The following VPS13C variants were observed in gnomAD, a reference collection of about 807,000 sequenced individuals.
The protein encoded by VPS13C is intermembrane lipid transfer protein VPS13C.
Under a neutral mutation model 456.8 loss-of-function variants are expected in VPS13C, and 358 were observed. That is an observed-to-expected ratio of 0.78 (90% CI 0.72 to 0.86). VPS13C has a LOEUF of 0.86. Among genes scored for constraint, VPS13C ranks in the 40% least tolerant of loss-of-function variants. The probability of loss-of-function intolerance (pLI) is 0.00; values close to 1 mark genes in which losing one functional copy is unlikely to be tolerated. For synonymous variants in VPS13C, 1,578 were observed against 1,486.7 expected (o/e 1.06, Z -1.41); for missense variants, 4,818 against 4,385.4 (o/e 1.10, Z -2.79).
At chr15:61,915,370 A>G (rs2043436905) in intron 61 of VPS13C, among the ~76,000 whole-genome samples, 1 of 152,116 alleles carries the variant, frequency 6.6e-6, no homozygotes, top group Admixed American at 6.5e-5. Flanking sequence ...AAGCTATTCT[A>G]TCTACTATAC....
intron 66 of VPS13C, among the ~76,000 whole-genome samples, chr15:61,891,172 A>G (rs985221660): frequency 6.6e-6 from 1 of 152,236 alleles, no homozygotes; most frequent in African/African-American, 2.4e-5. Flanking sequence ...GTAGCACTTA[A>G]AAATATGAGG....
In VPS13C at chr15:62,008,694, T is replaced by A. The variant is rs1281213046; in HGVS notation, c.1079A>T (p.Tyr360Phe). 1 of 1,608,502 alleles carries A rather than the reference T, an allele frequency of 6.2e-7. No homozygotes were observed. Among genetic ancestry groups the A allele is most frequent in the Non-Finnish European group, 8.5e-7 (1 of 1,177,196 alleles). Residue 360 changes from tyrosine to phenylalanine, a missense_variant, in exon 14 of 85, where the codon TAC becomes TTC. Physicochemically the swap from Tyr to Phe is conservative, Grantham distance 22. Transcript: ENST00000644861. Reference sequence around the variant, plus strand: ...GGTATGAAGTGGTAAATAAGGCTTGTATTTCCTATAAGGCGCATTCCTAAC... The same window carrying A: ...GGTATGAAGTGGTAAATAAGGCTTGAATTTCCTATAAGGCGCATTCCTAAC... ...YMVRNAPYRK[Y>F]KPYLPLHTNG...
At position 61,890,324 on chromosome 15, in the gene VPS13C, ACT is replaced by A. The variant is rs1476973440; in HGVS notation, c.9180_9181del (p.Arg3060SerfsTer7). The A allele has an allele frequency of 1.2e-6, 2 of 1,613,922 alleles. No homozygotes were observed. Among genetic ancestry groups the A allele is most frequent in the Non-Finnish European group, 1.7e-6 (2 of 1,180,000 alleles). On this transcript the variant is annotated frameshift_variant, in exon 67 of 85. Transcript: ENST00000644861. LOFTEE classifies it high-confidence loss of function. ...GGCAACATCATCGGTGAAAAGCAAA[ACT>A]CTCTGGCGCCCATCCAGAAATGATA...
intron 18 of VPS13C, among the ~76,000 whole-genome samples, chr15:61,986,449 G>C: frequency 6.6e-6 from 1 of 151,912 alleles, no homozygotes; most frequent in East Asian, 1.9e-4. Context: ...ACTAACCAAA[G>C]AATAAACAGA....
At chr15:61,942,116 A>G in intron 45 of VPS13C, 49 bp from the exon 46 acceptor site, 1 of 1,483,642 alleles carries the variant, frequency 6.7e-7, no homozygotes. Flanking sequence ...TTATTTTTAA[A>G]AGAAAAAACT....
intron 68 of VPS13C, among the ~76,000 whole-genome samples, chr15:61,883,128 T>C (rs375949596): frequency 1.2e-3 from 179 of 151,998 alleles, no homozygotes; most frequent in African/African-American, 4.0e-3. Flanking sequence ...CCTCAAGTGA[T>C]ACTCCTGCCT....
intron 48 of VPS13C, 109 bp from the exon 49 acceptor site, chr15:61,934,440 GT>G (rs1372417013): frequency 1.8e-6 from 1 of 545,444 alleles, no homozygotes; most frequent in Non-Finnish European, 3.0e-6. Context: ...CTGGGATTCT[GT>G]AAATCATATT....
chr15:62,041,208 G>C (rs1258143815), intron 3 of VPS13C, 116 bp downstream of exon 3: 1 of 1,011,540 alleles, frequency 9.9e-7, no homozygotes. Context: ...TCTAATTAAT[G>C]AGGCAAAAAA....
At chr15:61,942,173 G>T in intron 45 of VPS13C, 106 bp from the exon 46 acceptor site, 1 of 1,034,610 alleles carries the variant, frequency 9.7e-7, no homozygotes, top group South Asian at 2.0e-5. Flanking sequence ...TAATATAAAA[G>T]ATGTTATTTA....
intron 47 of VPS13C, among the ~76,000 whole-genome samples, chr15:61,940,214 A>G (rs557453633): frequency 1.3e-5 from 2 of 152,314 alleles, no homozygotes; most frequent in Admixed American, 1.3e-4. Flanking sequence ...GGTGCTTTGA[A>G]TGTAGTGTCT....
At chr15:61,923,216 A>AT (rs546373412) in intron 53 of VPS13C, among the ~76,000 whole-genome samples, 118 of 151,990 alleles carry the variant, frequency 7.8e-4, no homozygotes, top group African/African-American at 2.8e-3. Flanking sequence ...CTGAAAAAAA[A>AT]AAAAAGGAAG....
intron 3 of VPS13C, among the ~76,000 whole-genome samples, chr15:62,036,761 T>A (rs1206531281): frequency 6.6e-6 from 1 of 151,962 alleles, no homozygotes; most frequent in Non-Finnish European, 1.5e-5. Context: ...TATCCCCCAA[T>A]CTCTCAGAAA....
At position 61,917,291 on chromosome 15, in the gene VPS13C, G is replaced by T. The variant is rs373444964; in HGVS notation, c.8055+50C>A. The T allele has an allele frequency of 2.3e-5, 36 of 1,565,788 alleles. No individual in the cohort carries two copies. In the African/African-American group the frequency reaches 4.8e-4, roughly 21 times the overall value. ...TTAAAAATACCATAAAACAAAATCAGAATTTACTCTGTGCAACAACAAAAA... is the reference window on the plus strand; with the variant it reads ...TTAAAAATACCATAAAACAAAATCATAATTTACTCTGTGCAACAACAAAAA... On this transcript the variant is annotated intron_variant, in intron 60 of 84. Transcript: ENST00000644861.
intron 66 of VPS13C, among the ~76,000 whole-genome samples, chr15:61,902,033 A>G (rs1203847066): frequency 6.7e-6 from 1 of 148,560 alleles, no homozygotes. Flanking sequence ...AACACAGCAT[A>G]TTCTCACTCA....
Position 61,854,422 on chromosome 15 carries a change from T to A in VPS13C, c.*35A>T, listed in dbSNP as rs756084053. The A allele has an allele frequency of 2.3e-5, 36 of 1,574,838 alleles. No homozygotes were observed. The highest frequency in any genetic ancestry group is 2.8e-5 in the Non-Finnish European group (32 of 1,144,358). Reference sequence around the variant, plus strand: ...GACTTATAGACAAGACCAGTGATTGTTTTTTCTCCCTGTTGGAGCCCCTGA... The same window carrying A: ...GACTTATAGACAAGACCAGTGATTGATTTTTCTCCCTGTTGGAGCCCCTGA... On this transcript the variant is annotated 3_prime_UTR_variant, in exon 85 of 85. Transcript: ENST00000644861.
intron 49 of VPS13C, among the ~76,000 whole-genome samples, chr15:61,932,395 G>A (rs1216143675): frequency 6.6e-6 from 1 of 151,994 alleles, no homozygotes; most frequent in Non-Finnish European, 1.5e-5. Flanking sequence ...AAACTAGAAA[G>A]AAATACAGAG....
intron 28 of VPS13C, among the ~76,000 whole-genome samples, 181 bp downstream of exon 28, chr15:61,969,118 T>C (rs754173929): frequency 3.3e-5 from 5 of 152,114 alleles, no homozygotes; most frequent in Admixed American, 2.0e-4. Flanking sequence ...ATTTAAACCA[T>C]AGATTATAAC....
At chr15:62,028,094 G>C (rs766516084) in intron 6 of VPS13C, among the ~76,000 whole-genome samples, 5 of 151,694 alleles carry the variant, frequency 3.3e-5, no homozygotes, top group African/African-American at 7.3e-5. Flanking sequence ...TCTAAGCTTC[G>C]TAAGAACAGT....
intron 21 of VPS13C, 148 bp from the exon 22 acceptor site, chr15:61,981,626 C>T (rs1451734540): frequency 2.8e-5 from 18 of 647,552 alleles, no homozygotes; most frequent in African/African-American, 3.9e-5. Flanking sequence ...TTTGGGAGGC[C>T]GAGACAGGCA....
Sources: allele counts gnomAD v4.1 joint callset (sites outside exome capture counted in the v4.1 genomes callset), GRCh38; gene constraint gnomAD v4.1.1; transcripts MANE v1.5; gene names NCBI Gene and HGNC (gene_info 2026-07-23, HGNC 2026-07-21).